CAST: variants seen among roughly 807,000 people sequenced by gnomAD.
CAST encodes MIR583 host.
Under a neutral mutation model 119.6 loss-of-function variants are expected in CAST, and 76 were observed. The ratio of observed to expected loss-of-function variants is 0.64; its 90% confidence interval spans 0.53 to 0.77. The LOEUF (loss-of-function observed/expected upper bound fraction) is 0.77, where lower values mean the gene tolerates loss of function less well. CAST is among the 30% of genes least tolerant of loss of function. The pLI is 0.00. For missense variants in CAST, 953 were observed against 946.5 expected, an observed-to-expected ratio of 1.01 and a Z score of -0.09; for synonymous variants, 319 against 331.6, an observed-to-expected ratio of 0.96 and a Z score of 0.41.
chr5:96,572,565 A>G (rs1339713914), intron 1 of CAST, among the ~76,000 whole-genome samples: 3 of 152,184 alleles, frequency 2.0e-5, no homozygotes, highest in Non-Finnish European at 4.4e-5. Context: ...CTAGTTTAAT[A>G]TCCTTCAAAA....
intron 2 of CAST, among the ~76,000 whole-genome samples, chr5:96,683,882 G>T (rs1248001368): frequency 6.6e-6 from 1 of 152,188 alleles, no homozygotes; most frequent in South Asian, 2.1e-4. Flanking sequence ...AATTCTGAGA[G>T]AAATTTAGAA....
At chr5:96,295,975 ACT>A in the CAST span, among the ~76,000 whole-genome samples, 1 of 151,912 alleles carries the variant, frequency 6.6e-6, no homozygotes, top group East Asian at 1.9e-4. Flanking sequence ...GAAGATTTTA[ACT>A]CTCTTCTTTG....
intron 1 of CAST, among the ~76,000 whole-genome samples, chr5:96,648,827 G>A (rs1748056548): frequency 6.6e-6 from 1 of 151,918 alleles, no homozygotes; most frequent in Non-Finnish European, 1.5e-5. Flanking sequence ...TGATTCTGAA[G>A]CCCTAGCTCT....
chr5:96,631,852 G>A (rs1157966634), intron 1 of CAST, among the ~76,000 whole-genome samples: 1 of 151,938 alleles, frequency 6.6e-6, no homozygotes, highest in Non-Finnish European at 1.5e-5. Context: ...ATTCTCTCAG[G>A]TATATATTTA....
chr5:96,736,731 G>A (rs923299866), intron 10 of CAST, among the ~76,000 whole-genome samples: 1 of 151,918 alleles, frequency 6.6e-6, no homozygotes, highest in African/African-American at 2.4e-5. Context: ...ATAATACAAG[G>A]TCCTTTCCTA....
At chr5:96,300,834 A>ATTTTTTTT in the CAST span, among the ~76,000 whole-genome samples, 42 of 52,358 alleles carry the variant, frequency 8.0e-4, no homozygotes, top group Middle Eastern at 0.012. Context: ...ATTCCTAAGC[A>ATTTTTTTT]TTTTTTTTTT....
At position 96,748,500 on chromosome 5, in the gene CAST, G is replaced by T; in HGVS notation, c.1333-18G>T. 3.1e-6 allele frequency: 4 copies of T among 1,271,544 alleles called. No homozygotes were observed. In the South Asian group the frequency reaches 3.8e-5, roughly 12 times the overall value. The allele number at this position is 1,271,544 out of a possible 1,614,324, so 78.8% of individuals were successfully genotyped here. ...AAAAAGAGTCCCCTTGTAATATACA[G>T]CACTTCTTATATTACAGCCTCGGAG... On this transcript the variant is annotated intron_variant, in intron 18 of 31. Coordinates refer to ENST00000675179, the MANE Select transcript of CAST (RefSeq NM_001750.7).
At chr5:95,969,400 TG>T in the CAST span, among the ~76,000 whole-genome samples, 1 of 152,000 alleles carries the variant, frequency 6.6e-6, no homozygotes, top group Non-Finnish European at 1.5e-5. Flanking sequence ...CACTTTGATT[TG>T]GGAAAGTAAA....
chr5:96,036,200 T>G, the CAST span, among the ~76,000 whole-genome samples: 1 of 151,376 alleles, frequency 6.6e-6, no homozygotes, highest in African/African-American at 2.4e-5. Context: ...AATAGAAGAA[T>G]ACACAAGAAA....
At chr5:96,601,863 G>C (rs4869295) in intron 1 of CAST, among the ~76,000 whole-genome samples, 52,740 of 152,052 alleles carry the variant, frequency 0.35, 10,525 homozygotes, top group Admixed American at 0.44. Flanking sequence ...GATAAGCACC[G>C]TAATGCTAAT....
At chr5:95,998,621 A>G in the CAST span, among the ~76,000 whole-genome samples, 2 of 152,174 alleles carry the variant, frequency 1.3e-5, no homozygotes, top group Non-Finnish European at 2.9e-5. Context: ...GTAGTATTCC[A>G]TGGTATCTGT....
chr5:96,680,215 C>T (rs1370811444), intron 2 of CAST, among the ~76,000 whole-genome samples: 1 of 150,822 alleles, frequency 6.6e-6, no homozygotes, highest in Non-Finnish European at 1.5e-5. Flanking sequence ...CAGGCGTGGT[C>T]GTGGGTGTGG....
chr5:95,996,181 A>G, the CAST span, among the ~76,000 whole-genome samples: 26 of 152,292 alleles, frequency 1.7e-4, no homozygotes, highest in Non-Finnish European at 2.8e-4. Context: ...AGATATAGGA[A>G]GATCAAGGCT....
chr5:96,422,537 C>A, the CAST span, among the ~76,000 whole-genome samples: 1 of 152,314 alleles, frequency 6.6e-6, no homozygotes, highest in East Asian at 1.9e-4. Context: ...TAAACGCCTC[C>A]CGCATACCCT....
the CAST span, among the ~76,000 whole-genome samples, chr5:95,978,846 T>C: frequency 1.3e-5 from 2 of 152,186 alleles, no homozygotes; most frequent in African/African-American, 4.8e-5. Context: ...CATATGCTGA[T>C]GTAGCACAGA....
the CAST span, among the ~76,000 whole-genome samples, chr5:96,251,293 T>C: frequency 3.3e-5 from 5 of 152,316 alleles, no homozygotes; most frequent in African/African-American, 9.6e-5. Context: ...AGTTGTAACA[T>C]TTTAGGAAGG....
At chr5:96,245,708 A>C in the CAST span, among the ~76,000 whole-genome samples, 1 of 152,090 alleles carries the variant, frequency 6.6e-6, no homozygotes, top group Admixed American at 6.5e-5. Flanking sequence ...CTACACATGC[A>C]GGAAGGTTCT....
the CAST span, among the ~76,000 whole-genome samples, chr5:96,230,081 C>T: frequency 4.6e-5 from 7 of 152,090 alleles, no homozygotes; most frequent in Admixed American, 3.9e-4. Flanking sequence ...CGTCCATTCT[C>T]ATGGTGACAA....
chr5:95,965,919 A>G, the CAST span, among the ~76,000 whole-genome samples: 1 of 152,248 alleles, frequency 6.6e-6, no homozygotes, highest in African/African-American at 2.4e-5. Flanking sequence ...AAGAAATGTT[A>G]CATTGCATTA....
Sources: gnomAD v4.1 joint callset for allele counts (sites outside exome capture counted in the v4.1 genomes callset) on GRCh38, gnomAD v4.1.1 for gene constraint, MANE v1.5 for transcripts, NCBI Gene and HGNC (gene_info 2026-07-23, HGNC 2026-07-21) for gene names.